CSMD1: variants seen among roughly 807,000 people sequenced by gnomAD.
CSMD1 encodes CUB and sushi domain-containing protein 1.
Under a neutral mutation model 417.5 loss-of-function variants are expected in CSMD1, and 213 were observed. That is an observed-to-expected ratio of 0.51 (90% CI 0.46 to 0.57). The LOEUF (loss-of-function observed/expected upper bound fraction) is 0.57, where lower values mean the gene tolerates loss of function less well. CSMD1 is among the 20% of genes least tolerant of loss of function. CSMD1 has a pLI of 0.00. For synonymous variants in CSMD1, 2,862 were observed against 1,736.8 expected, an observed-to-expected ratio of 1.65 and a Z score of -16.11; for missense variants, 6,923 against 4,529.7, an observed-to-expected ratio of 1.53 and a Z score of -15.17.
chr8:3,876,811 C>G (rs1805855756), intron 5 of CSMD1, among the ~76,000 whole-genome samples: 2 of 152,146 alleles, frequency 1.3e-5, no homozygotes, highest in Non-Finnish European at 2.9e-5. Context: ...GAGGTTTCAC[C>G]ATGTTGCCCA....
chr8:4,334,181 A>T (rs1018957287), intron 3 of CSMD1, among the ~76,000 whole-genome samples: 1 of 152,152 alleles, frequency 6.6e-6, no homozygotes, highest in African/African-American at 2.4e-5. Flanking sequence ...TGCTGGGATT[A>T]CAGGTGTGAG....
chr8:3,073,664 G>C (rs1397754107), intron 49 of CSMD1, among the ~76,000 whole-genome samples: 8 of 151,926 alleles, frequency 5.3e-5, no homozygotes, highest in Admixed American at 5.2e-4. Flanking sequence ...AAAGACATTT[G>C]AAATACATAT....
At chr8:3,323,403 G>T (rs1474965562) in intron 23 of CSMD1, among the ~76,000 whole-genome samples, 1 of 151,426 alleles carries the variant, frequency 6.6e-6, no homozygotes, top group African/African-American at 2.4e-5. Flanking sequence ...ATTTTCCCAA[G>T]TCACTAATAG....
chr8:4,039,200 C>G (rs182625659), intron 3 of CSMD1, among the ~76,000 whole-genome samples: 2 of 152,268 alleles, frequency 1.3e-5, no homozygotes, highest in Admixed American at 6.5e-5. Context: ...ATCTAGGTCC[C>G]TTAGGGTTTC....
At chr8:4,587,701 A>T (rs987644714) in intron 2 of CSMD1, among the ~76,000 whole-genome samples, 1 of 152,102 alleles carries the variant, frequency 6.6e-6, no homozygotes, top group Non-Finnish European at 1.5e-5. Context: ...TGGTTAAGAG[A>T]TTTTCTCCAC....
In CSMD1 at chr8:3,201,797, G is replaced by A. The variant is rs1470601727; in HGVS notation, c.4985-72C>T. The A allele has an allele frequency of 1.2e-5, 10 of 804,514 alleles. No individual in the cohort carries two copies. The Admixed American group carries it at 2.3e-4, about 19-fold the overall frequency. The allele number at this position is 804,514 out of a possible 1,614,324, so 49.8% of individuals were successfully genotyped here. On this transcript the variant is annotated intron_variant, in intron 31 of 69. Coordinates refer to ENST00000635120, the MANE Select transcript of CSMD1 (RefSeq NM_033225.6). ...CAAAATGGAGATTTTTGATTTCACT[G>A]AATATCTATTAATTGCCCCAATGGA... is the stretch of plus-strand genomic sequence containing the variant.
intron 2 of CSMD1, among the ~76,000 whole-genome samples, chr8:4,617,580 G>C (rs1801542007): frequency 6.6e-6 from 1 of 152,130 alleles, no homozygotes; most frequent in Non-Finnish European, 1.5e-5. Flanking sequence ...TATCGATCCT[G>C]AGCAATATTT....
At chr8:3,674,610 G>C (rs546196029) in intron 7 of CSMD1, among the ~76,000 whole-genome samples, 163 of 152,040 alleles carry the variant, frequency 1.1e-3, no homozygotes, top group African/African-American at 3.7e-3. Context: ...CCAGATTCTA[G>C]ATATTAATAT....
intron 3 of CSMD1, among the ~76,000 whole-genome samples, chr8:4,062,957 T>C (rs866458164): frequency 6.6e-6 from 1 of 151,866 alleles, no homozygotes; most frequent in African/African-American, 2.4e-5. Flanking sequence ...GTTAACAACA[T>C]CATCCAGATA....
intron 46 of CSMD1, among the ~76,000 whole-genome samples, chr8:3,098,398 A>C (rs936381001): frequency 3.3e-5 from 5 of 152,136 alleles, no homozygotes; most frequent in African/African-American, 7.2e-5. Context: ...TTTATTTCCT[A>C]TTTTCTTCCA....
chr8:4,732,417 G>A (rs1809960586), intron 1 of CSMD1, among the ~76,000 whole-genome samples: 1 of 150,306 alleles, frequency 6.7e-6, no homozygotes, highest in Admixed American at 6.6e-5. Context: ...CTCTGGACAT[G>A]CAGAATCCAA....
chr8:3,666,201 C>T (rs375421726), intron 7 of CSMD1, among the ~76,000 whole-genome samples: 1 of 152,106 alleles, frequency 6.6e-6, no homozygotes, highest in Non-Finnish European at 1.5e-5. Flanking sequence ...TGGCTTGATG[C>T]TTTGTTTTTC....
chr8:3,716,704 C>A (rs1385966291), intron 6 of CSMD1, among the ~76,000 whole-genome samples: 1 of 152,124 alleles, frequency 6.6e-6, no homozygotes, highest in East Asian at 1.9e-4. Flanking sequence ...GCCCAGCAGG[C>A]CTCAGCCTTA....
chr8:3,609,749 AAAC>A (rs1801796271), intron 8 of CSMD1, among the ~76,000 whole-genome samples: 1 of 150,748 alleles, frequency 6.6e-6, no homozygotes, highest in Non-Finnish European at 1.5e-5. Context: ...AAAAAAAAAA[AAAC>A]CGAATTACCT....
intron 21 of CSMD1, among the ~76,000 whole-genome samples, chr8:3,355,896 G>A (rs549716707): frequency 6.6e-6 from 1 of 152,088 alleles, no homozygotes. Flanking sequence ...CCAGAAGAGA[G>A]GGTTTGAGCA....
intron 1 of CSMD1, among the ~76,000 whole-genome samples, chr8:4,802,350 CGCGT>C (rs759179436): frequency 3.5e-3 from 490 of 138,630 alleles, no homozygotes; most frequent in Middle Eastern, 0.011. Context: ...AGTGTGTGCG[CGCGT>C]GTGTGTGTGT....
At chr8:4,253,110 G>C (rs1325994394) in intron 3 of CSMD1, among the ~76,000 whole-genome samples, 1 of 152,234 alleles carries the variant, frequency 6.6e-6, no homozygotes, top group Non-Finnish European at 1.5e-5. Context: ...AGGATTATCT[G>C]TGGAACTGGA....
chr8:4,452,539 A>G (rs1418995470), intron 2 of CSMD1, among the ~76,000 whole-genome samples: 1 of 152,216 alleles, frequency 6.6e-6, no homozygotes, highest in African/African-American at 2.4e-5. Flanking sequence ...AATTATAAAA[A>G]TAATTCACTT....
intron 7 of CSMD1, among the ~76,000 whole-genome samples, chr8:3,671,178 T>G (rs1185900824): frequency 6.8e-6 from 1 of 148,068 alleles, no homozygotes; most frequent in Non-Finnish European, 1.5e-5. Flanking sequence ...GATATATATG[T>G]ATATGGTATA....
Sources: gnomAD v4.1 joint callset for allele counts (sites outside exome capture counted in the v4.1 genomes callset) on GRCh38, gnomAD v4.1.1 for gene constraint, MANE v1.5 for transcripts, NCBI Gene and HGNC (gene_info 2026-07-23, HGNC 2026-07-21) for gene names.